Variants in KLF8 observed in about 807,000 individuals in gnomAD.
KLF8 encodes the protein KLF transcription factor 8.
In KLF8, 10 loss-of-function variants were observed where a neutral mutation model predicts 18.2. The observed-to-expected ratio is 0.55, with a 90% confidence interval of 0.34 to 0.93. The LOEUF is 0.93. Among genes scored for constraint, KLF8 ranks in the 40% least tolerant of loss-of-function variants. KLF8 has a pLI of 0.02. For synonymous variants in KLF8, 109 were observed against 97.3 expected, an observed-to-expected ratio of 1.12 and a Z score of -0.71; for missense variants, 264 against 277.9, an observed-to-expected ratio of 0.95 and a Z score of 0.36.
the KLF8 span, among the ~76,000 whole-genome samples, chrX:56,211,527 C>T: frequency 1.8e-5 from 2 of 111,983 alleles, no homozygotes; most frequent in African/African-American, 3.2e-5. Flanking sequence ...GTAACCACTC[C>T]GTGGCTACTG....
the KLF8 span, among the ~76,000 whole-genome samples, chrX:56,083,542 G>T: frequency 9.0e-6 from 1 of 111,614 alleles, no homozygotes; most frequent in Non-Finnish European, 1.9e-5. Flanking sequence ...ACTTTTCAGT[G>T]CTCACTAAAA....
chrX:56,230,823 T>C (rs1245296353), upstream of KLF8, among the ~76,000 whole-genome samples: 1 of 110,438 alleles, frequency 9.1e-6, no homozygotes, highest in Non-Finnish European at 1.9e-5. Flanking sequence ...GACTTTATAG[T>C]TTAGTAGGGG....
the KLF8 span, among the ~76,000 whole-genome samples, chrX:55,974,478 G>T: frequency 3.6e-5 from 4 of 111,858 alleles, no homozygotes; most frequent in Non-Finnish European, 7.5e-5. Flanking sequence ...TAGAGATAGT[G>T]TAGGTGCAGG....
chrX:55,994,865 T>C, the KLF8 span, among the ~76,000 whole-genome samples: 1 of 112,179 alleles, frequency 8.9e-6, no homozygotes, highest in African/African-American at 3.2e-5. Context: ...CTATGTACCA[T>C]GCCTAGGTGA....
At chrX:56,261,575 T>C (rs2066883270) in intron 2 of KLF8, among the ~76,000 whole-genome samples, 1 of 111,183 alleles carries the variant, frequency 9.0e-6, no homozygotes, top group Non-Finnish European at 1.9e-5. Context: ...GTGAGGATTC[T>C]TAAAATCACC....
At chrX:56,235,705 G>T (rs759604759) in intron 1 of KLF8, among the ~76,000 whole-genome samples, 1 of 110,745 alleles carries the variant, frequency 9.0e-6, no homozygotes, top group Non-Finnish European at 1.9e-5. Context: ...CATGAGCCAC[G>T]TGCCCAACCT....
the KLF8 span, among the ~76,000 whole-genome samples, chrX:56,158,127 C>A: frequency 8.9e-6 from 1 of 111,812 alleles, no homozygotes; most frequent in Non-Finnish European, 1.9e-5. Flanking sequence ...GTTTTCCCAG[C>A]ACCATTTATT....
chrX:55,976,569 T>TAC, the KLF8 span, among the ~76,000 whole-genome samples: 1,599 of 102,545 alleles, frequency 0.016, 25 homozygotes, highest in African/African-American at 0.042. Context: ...TCCATTTGTG[T>TAC]ACACACACAC....
the KLF8 span, among the ~76,000 whole-genome samples, chrX:56,137,820 C>G: frequency 9.3e-6 from 1 of 107,643 alleles, no homozygotes; most frequent in South Asian, 4.1e-4. Flanking sequence ...AAACCAATCC[C>G]AATGCTACCA....
chrX:56,132,457 T>G, the KLF8 span, among the ~76,000 whole-genome samples: 9 of 111,330 alleles, frequency 8.1e-5, no homozygotes, highest in African/African-American at 2.6e-4. Flanking sequence ...TTGACACACC[T>G]ATCACAACCT....
chrX:55,986,960 C>T, the KLF8 span, among the ~76,000 whole-genome samples: 2 of 111,514 alleles, frequency 1.8e-5, no homozygotes, highest in Non-Finnish European at 3.8e-5. Flanking sequence ...TGATTTTGTT[C>T]TTTTTTAATG....
chrX:55,951,974 G>T, the KLF8 span, among the ~76,000 whole-genome samples: 1 of 111,936 alleles, frequency 8.9e-6, no homozygotes, highest in Non-Finnish European at 1.9e-5. Flanking sequence ...GCCTCAAGTG[G>T]TTATTTAGTT....
chrX:55,999,316 TATCTGGGC>T, the KLF8 span, among the ~76,000 whole-genome samples: 3 of 83,614 alleles, frequency 3.6e-5, no homozygotes, highest in Admixed American at 1.2e-4. Flanking sequence ...TTGTTTTGAC[TATCTGGGC>T]TCTTTTTTGG....
chrX:56,231,586 T>C (rs900596381), upstream of KLF8, among the ~76,000 whole-genome samples: 5 of 111,482 alleles, frequency 4.5e-5, no homozygotes, highest in African/African-American at 6.5e-5. Context: ...TTTAAAAGAA[T>C]TGTGGTAGGG....
the KLF8 span, among the ~76,000 whole-genome samples, chrX:55,923,551 C>T: frequency 9.0e-6 from 1 of 110,817 alleles, no homozygotes; most frequent in Non-Finnish European, 1.9e-5. Flanking sequence ...ATTATTCTTC[C>T]TGCGTTTTTC....
the KLF8 span, among the ~76,000 whole-genome samples, chrX:56,006,800 G>A: frequency 1.8e-5 from 2 of 112,294 alleles, no homozygotes; most frequent in Non-Finnish European, 3.8e-5. Flanking sequence ...TGTCTCTTCA[G>A]TCTGTTGACT....
the KLF8 span, among the ~76,000 whole-genome samples, chrX:56,214,797 G>C: frequency 8.9e-6 from 1 of 112,051 alleles, no homozygotes; most frequent in Non-Finnish European, 1.9e-5. Flanking sequence ...ACACAGAGTG[G>C]TTAAAAAATT....
chrX:56,072,879 T>A, the KLF8 span, among the ~76,000 whole-genome samples: 1 of 111,949 alleles, frequency 8.9e-6, no homozygotes, highest in Non-Finnish European at 1.9e-5. Context: ...CAGTTTCTGG[T>A]AAACTCTAAT....
At chrX:55,992,591 G>T in the KLF8 span, among the ~76,000 whole-genome samples, 3 of 111,824 alleles carry the variant, frequency 2.7e-5, no homozygotes, top group Non-Finnish European at 5.6e-5. Context: ...ATACTTTTTT[G>T]TTCCATATGA....
Sources: allele counts gnomAD v4.1 joint callset (sites outside exome capture counted in the v4.1 genomes callset), GRCh38; gene constraint gnomAD v4.1.1; transcripts MANE v1.5; gene names NCBI Gene and HGNC (gene_info 2026-07-23, HGNC 2026-07-21).